POU2F1: variants seen among roughly 807,000 people sequenced by gnomAD.
POU2F1 encodes the protein POU class 2 homeobox 1, also known as POU domain, class 2, transcription factor 1.
A neutral mutation model predicts 84.9 loss-of-function variants in POU2F1; 16 were observed. The ratio of observed to expected loss-of-function variants is 0.19; its 90% CI spans 0.13 to 0.29. POU2F1 has a LOEUF of 0.29. POU2F1 is among the 10% of genes least tolerant of loss of function. The pLI, the probability that POU2F1 is intolerant of heterozygous loss-of-function variation, is 1.00. For missense variants in POU2F1, 738 were observed against 942.6 expected (o/e 0.78, Z 2.84); for synonymous variants, 368 against 368.3 (o/e 1.00, Z 0.01).
At chr1:167,401,606 T>C in intron 13 of POU2F1, 50 bp downstream of exon 13, 1 of 1,323,824 alleles carries the variant, frequency 7.6e-7, no homozygotes, top group South Asian at 1.4e-5. Flanking sequence ...GAGGCCCGTT[T>C]TGGGTTATTA....
intron 1 of POU2F1, among the ~76,000 whole-genome samples, chr1:167,221,827 G>A (rs551493816): frequency 5.5e-4 from 84 of 152,022 alleles, no homozygotes; most frequent in African/African-American, 2.0e-3. Context: ...TGCCCCCCCT[G>A]GGGGGTGGAC....
chr1:167,291,883 G>A (rs140866676), intron 1 of POU2F1, among the ~76,000 whole-genome samples: 219 of 152,242 alleles, frequency 1.4e-3, no homozygotes, highest in African/African-American at 4.7e-3. Context: ...TAACAACACT[G>A]TAGGTGCTCT....
At chr1:167,323,654 A>C (rs1352165797) in intron 1 of POU2F1, among the ~76,000 whole-genome samples, 1 of 152,096 alleles carries the variant, frequency 6.6e-6, no homozygotes, top group East Asian at 1.9e-4. Flanking sequence ...TGCTCCCAAT[A>C]CTGTTCATGC....
intron 15 of POU2F1, among the ~76,000 whole-genome samples, chr1:167,415,096 TC>T (rs551236787): frequency 6.6e-6 from 1 of 152,238 alleles, no homozygotes; most frequent in Non-Finnish European, 1.5e-5. Context: ...AATGCTTTAA[TC>T]ACTTCAGCTA....
rs571577175 is a variant in POU2F1 at position 167,311,510 on chromosome 1, A to T, written c.62-20960A>T. Among the ~76,000 whole-genome samples the T allele has an allele frequency of 3.9e-5, 6 of 152,314 alleles. No homozygotes were observed. In the East Asian group the frequency reaches 1.2e-3, roughly 29 times the overall value. On this transcript the variant is annotated intron_variant, in intron 1 of 15. Coordinates refer to ENST00000367866, the MANE Select transcript of POU2F1 (RefSeq NM_002697.4). Reference sequence around the variant, plus strand: ...AGAGAAATGTAATCATGTTCCATATAACAATGTTTCAGTCAATGATGGACA... The same window carrying T: ...AGAGAAATGTAATCATGTTCCATATTACAATGTTTCAGTCAATGATGGACA...
chr1:167,344,359 A>G (rs754261097), intron 2 of POU2F1, among the ~76,000 whole-genome samples: 7 of 152,148 alleles, frequency 4.6e-5, no homozygotes, highest in African/African-American at 1.4e-4. Context: ...GAATTTGACA[A>G]TTAGTTACTG....
Position 167,357,887 on chromosome 1 carries a change from TC to T in POU2F1, c.128-7578del, listed in dbSNP as rs36023171. 9.6e-3 allele frequency among the ~76,000 whole-genome samples: 1,369 copies of T among 142,564 alleles called. 10 individuals are homozygous for T. The highest frequency in any genetic ancestry group is 0.013 in the Non-Finnish European group (885 of 66,250). The allele number at this position is 142,564 out of a possible 152,430, so 93.5% of individuals were successfully genotyped here. ...GGCGCTATCTCGGCTCATTGCAACC[TC>T]CGCTTCCTGGGTTCAAGCAATCCCC... is the stretch of plus-strand genomic sequence containing the variant. On this transcript the variant is annotated intron_variant, in intron 2 of 15. Transcript: ENST00000367866.
In POU2F1 at chr1:167,378,613, C is replaced by T. The variant is rs966779623; in HGVS notation, c.718+2458C>T. ...TAGAGATGAGGTTTCACTATGTTGG[C>T]CAGGCTGGTCTCAAACTCCTGATCT... On this transcript the variant is annotated intron_variant, in intron 7 of 15. Coordinates refer to ENST00000367866, the MANE Select transcript of POU2F1 (RefSeq NM_002697.4). 3.3e-5 allele frequency among the ~76,000 whole-genome samples: 5 copies of T among 152,048 alleles called. No individual in the cohort carries two copies. In the South Asian group the frequency reaches 1.0e-3, roughly 32 times the overall value.
chr1:167,422,010 G>T lies in POU2F1; in HGVS notation c.*6200G>T, dbSNP rs1270563506. 6.6e-6 allele frequency: 1 copy of T among 152,168 alleles called. No individual in the cohort carries two copies. The highest frequency in any genetic ancestry group is 2.4e-5 in the African/African-American group (1 of 41,416). 9.4% of individuals were successfully genotyped at this position (152,168 alleles called of 1,614,324 possible). On this transcript the variant is annotated 3_prime_UTR_variant, in exon 16 of 16. Transcript: ENST00000367866. ...ATATCTGTCTTGCCAAAGGAAACTT[G>T]ATTTTCCCTGTGATTGGCTTTGGCC...
chr1:167,405,410 G>T (rs189743618), intron 13 of POU2F1, among the ~76,000 whole-genome samples: 1 of 152,040 alleles, frequency 6.6e-6, no homozygotes, highest in East Asian at 1.9e-4. Flanking sequence ...ATGTGCAGTG[G>T]CTTATGCCTA....
intron 9 of POU2F1, among the ~76,000 whole-genome samples, chr1:167,395,022 G>A (rs1173214715): frequency 6.6e-6 from 1 of 152,156 alleles, no homozygotes; most frequent in African/African-American, 2.4e-5. Flanking sequence ...TAGTTGTATA[G>A]TACTTTGGAC....
rs537337976 is a variant in POU2F1, at chr1:167,417,829, G to T, written c.*2019G>T. ...AGACACAATGTGTACTTTTGTGTGT[G>T]ATTCAAGTGGGAGACAGTCTGTTAA... On this transcript the variant is annotated 3_prime_UTR_variant, in exon 16 of 16. Transcript: ENST00000367866. 2 of 152,320 alleles carry T rather than the reference G, an allele frequency of 1.3e-5. No homozygotes were observed. The highest frequency in any genetic ancestry group is 1.3e-4 in the Admixed American group (2 of 15,302). The allele number at this position is 152,320 out of a possible 1,614,324, so 9.4% of individuals were successfully genotyped here.
intron 1 of POU2F1, among the ~76,000 whole-genome samples, chr1:167,247,222 T>C (rs74967651): frequency 0.049 from 7,499 of 152,094 alleles, 443 homozygotes; most frequent in Admixed American, 0.18. Flanking sequence ...ACCATAGGCG[T>C]GTGCCACCAT....
At chr1:167,410,675 C>T (rs1649898810) in intron 13 of POU2F1, among the ~76,000 whole-genome samples, 1 of 152,002 alleles carries the variant, frequency 6.6e-6, no homozygotes, top group Admixed American at 6.6e-5. Context: ...ACCACCATGC[C>T]TGGCTAATTT....
chr1:167,343,998 A>G (rs563658492), intron 2 of POU2F1, among the ~76,000 whole-genome samples: 1 of 152,032 alleles, frequency 6.6e-6, no homozygotes, highest in Non-Finnish European at 1.5e-5. Flanking sequence ...AAGGTGTTGA[A>G]AGGGCTGGTA....
At chr1:167,374,057 G>A (rs1660170837) in intron 5 of POU2F1, 51 bp from the exon 6 acceptor site, 2 of 1,584,404 alleles carry the variant, frequency 1.3e-6, no homozygotes, top group Non-Finnish European at 1.7e-6. Flanking sequence ...GCTTGCATTA[G>A]GAGACTTTCT....
At chr1:167,258,394 T>C (rs553862899) in intron 1 of POU2F1, among the ~76,000 whole-genome samples, 6 of 152,376 alleles carry the variant, frequency 3.9e-5, no homozygotes, top group Admixed American at 6.5e-5. Flanking sequence ...GACAACCAGT[T>C]ATTATCAAAC....
At chr1:167,357,077 C>T (rs961325873) in intron 2 of POU2F1, among the ~76,000 whole-genome samples, 5 of 152,086 alleles carry the variant, frequency 3.3e-5, no homozygotes, top group African/African-American at 1.2e-4. Flanking sequence ...TAGGAAATGG[C>T]CTTTCCCTGA....
intron 2 of POU2F1, among the ~76,000 whole-genome samples, chr1:167,342,409 TATTA>T (rs1365880319): frequency 6.6e-6 from 1 of 152,196 alleles, no homozygotes; most frequent in Admixed American, 6.5e-5. Flanking sequence ...CCAGTGATGT[TATTA>T]ATTCTTTGGG....
Sources: gnomAD v4.1 joint callset for allele counts (sites outside exome capture counted in the v4.1 genomes callset) on GRCh38, gnomAD v4.1.1 for gene constraint, MANE v1.5 for transcripts, NCBI Gene and HGNC (gene_info 2026-07-23, HGNC 2026-07-21) for gene names.